The following TMC2 variants were observed in gnomAD, a reference collection of about 807,000 sequenced individuals.
TMC2 encodes transmembrane channel-like protein 2.
A neutral mutation model predicts 105.9 loss-of-function variants in TMC2; 102 were observed. The observed-to-expected ratio is 0.96, with a 90% confidence interval of 0.82 to 1.14. The LOEUF (loss-of-function observed/expected upper bound fraction) is 1.14, where lower values mean the gene tolerates loss of function less well. Among genes scored for constraint, TMC2 ranks in the 50% most tolerant of loss-of-function variants. The pLI, the probability that TMC2 is intolerant of heterozygous loss-of-function variation, is 0.00. For synonymous variants in TMC2, 402 were observed against 422.8 expected (o/e 0.95, Z 0.60); for missense variants, 1,093 against 1,134.3 (o/e 0.96, Z 0.52).
At chr20:2,544,442 T>C (rs1261189812) in intron 2 of TMC2, among the ~76,000 whole-genome samples, 1 of 152,206 alleles carries the variant, frequency 6.6e-6, no homozygotes, top group Non-Finnish European at 1.5e-5. Flanking sequence ...CTAGAGTCCA[T>C]GTAACCAAAT....
At chr20:2,576,096 G>A (rs934266910) in intron 5 of TMC2, among the ~76,000 whole-genome samples, 1 of 151,950 alleles carries the variant, frequency 6.6e-6, no homozygotes, top group Non-Finnish European at 1.5e-5. Flanking sequence ...AGGCCTCACT[G>A]GTTGTTTTCA....
chr20:2,565,776 A>G (rs1047007573), intron 4 of TMC2, among the ~76,000 whole-genome samples: 3 of 152,124 alleles, frequency 2.0e-5, no homozygotes, highest in African/African-American at 4.8e-5. Context: ...GTGGTGGCTC[A>G]CACCTATAAT....
intron 5 of TMC2, among the ~76,000 whole-genome samples, chr20:2,576,615 T>C (rs16987177): frequency 0.12 from 17,635 of 152,242 alleles, 1,226 homozygotes; most frequent in African/African-American, 0.18. Context: ...ATAAAGCTTA[T>C]GAGACTGCTA....
In TMC2 at chr20:2,594,963, C is replaced by T. The variant is rs143970919; in HGVS notation, c.1072C>T (p.Arg358Ter). 6 of 1,613,190 alleles carry T rather than the reference C, an allele frequency of 3.7e-6. No homozygotes were observed. The highest frequency in any genetic ancestry group is 5.1e-6 in the Non-Finnish European group (6 of 1,179,604). ...CGGCTACAGCCTGATTATTGTCATT[C>T]GATCGTAAGTATGACCGTCTCATCC... ...VFGYSLIIVI[R>*]SMASNTQGST... The change falls in exon 9 of 20, where the codon CGA becomes TGA. Residue 358 changes from arginine (R) to a stop codon, truncating the protein, a stop_gained. Coordinates refer to ENST00000358864, the MANE Select transcript of TMC2 (RefSeq NM_080751.3). LOFTEE classifies it high-confidence loss of function.
chr20:2,537,408 C>A (rs1600090554), intron 2 of TMC2, 92 bp downstream of exon 2: 1 of 1,033,572 alleles, frequency 9.7e-7, no homozygotes, highest in Admixed American at 2.1e-5. Context: ...CAACATTCTC[C>A]TTCATCTCCT....
chr20:2,600,857 G>GCAC (rs1429400309), intron 10 of TMC2, among the ~76,000 whole-genome samples: 1 of 151,320 alleles, frequency 6.6e-6, no homozygotes, highest in Non-Finnish European at 1.5e-5. Flanking sequence ...TGTGGTGGTG[G>GCAC]GCACCTGTAA....
At chr20:2,591,780 C>T (rs940602928) in intron 7 of TMC2, among the ~76,000 whole-genome samples, 2 of 151,956 alleles carry the variant, frequency 1.3e-5, no homozygotes, top group Admixed American at 6.6e-5. Flanking sequence ...AGAAAAGAAA[C>T]GCTCTTCTGT....
chr20:2,614,747 C>T (rs1323183425), intron 14 of TMC2, among the ~76,000 whole-genome samples: 1 of 151,744 alleles, frequency 6.6e-6, no homozygotes, highest in Non-Finnish European at 1.5e-5. Flanking sequence ...TCTACATGGG[C>T]CTTTAGTTTA....
In TMC2 at chr20:2,561,556, G is replaced by A. The variant is rs541583902; in HGVS notation, c.402-302G>A. Among the ~76,000 whole-genome samples, 26 of 152,194 alleles carry A rather than the reference G, an allele frequency of 1.7e-4. No individual in the cohort carries two copies. In the South Asian group the frequency reaches 4.6e-3, roughly 27 times the overall value. ...ATCCATTGCTTTTTACCACTTCAACGTGGCTACTAGAAAAATTTGCATTAC... is the reference window on the plus strand; with the variant it reads ...ATCCATTGCTTTTTACCACTTCAACATGGCTACTAGAAAAATTTGCATTAC... On this transcript the variant is annotated intron_variant, in intron 3 of 19. Transcript: ENST00000358864.
Position 2,616,949 on chromosome 20 carries a change from G to C in TMC2, c.1941-123G>C. 1.1e-5 allele frequency: 12 copies of C among 1,120,650 alleles called. No homozygotes were observed. The highest frequency in any genetic ancestry group is 1.5e-5 in the Non-Finnish European group (12 of 779,096). 69.4% of individuals were successfully genotyped at this position (1,120,650 alleles called of 1,614,324 possible). A position where few individuals can be genotyped will look rare whatever the true frequency, so the allele number is the denominator to read the frequency against. ...GTTAAATGGGAGGCCCCTTACCTGG[G>C]GACTTGCCAGGAAAGCAGCTCGGCC... On this transcript the variant is annotated intron_variant, in intron 15 of 19. Transcript: ENST00000358864. This position sits in a 1 kb window ranked among gnomAD's most constrained non-coding sequence, Gnocchi z 4.8.
chr20:2,596,350 G>A (rs2086306451), intron 9 of TMC2, among the ~76,000 whole-genome samples: 1 of 152,296 alleles, frequency 6.6e-6, no homozygotes, highest in African/African-American at 2.4e-5. Flanking sequence ...AGTAGTACCG[G>A]GCCGGGCGTG....
At chr20:2,621,643 T>C (rs569357117) in intron 16 of TMC2, among the ~76,000 whole-genome samples, 8 of 152,286 alleles carry the variant, frequency 5.3e-5, no homozygotes, top group African/African-American at 1.7e-4. Flanking sequence ...CACTCCAGAC[T>C]GGGCAACGAG....
At chr20:2,571,575 T>C (rs1292580767) in intron 4 of TMC2, among the ~76,000 whole-genome samples, 1 of 152,236 alleles carries the variant, frequency 6.6e-6, no homozygotes, top group Non-Finnish European at 1.5e-5. Flanking sequence ...GGTGGGAATG[T>C]AAATTAGTTC....
intron 4 of TMC2, among the ~76,000 whole-genome samples, chr20:2,570,581 C>A (rs1476628974): frequency 1.3e-5 from 2 of 152,040 alleles, no homozygotes; most frequent in African/African-American, 4.8e-5. Flanking sequence ...CTACTGAAAG[C>A]AATCTACAGA....
intron 17 of TMC2, among the ~76,000 whole-genome samples, chr20:2,629,750 T>C (rs2086590159): frequency 6.6e-6 from 1 of 152,242 alleles, no homozygotes; most frequent in Non-Finnish European, 1.5e-5. Flanking sequence ...GCCTGTATAA[T>C]GGCTATCTAA....
intron 2 of TMC2, among the ~76,000 whole-genome samples, chr20:2,544,136 G>A (rs867532130): frequency 5.4e-5 from 8 of 147,996 alleles, no homozygotes; most frequent in South Asian, 2.1e-4. Flanking sequence ...GGCTGGTCTC[G>A]AACTCCTGAC....
At chr20:2,557,903 A>C (rs1568504213) in intron 2 of TMC2, among the ~76,000 whole-genome samples, 1 of 152,226 alleles carries the variant, frequency 6.6e-6, no homozygotes, top group Non-Finnish European at 1.5e-5. Flanking sequence ...TTCTTTCCTT[A>C]GCCATTGCAA....
At chr20:2,603,044 T>G (rs1015733350) in intron 11 of TMC2, among the ~76,000 whole-genome samples, 1 of 152,218 alleles carries the variant, frequency 6.6e-6, no homozygotes, top group African/African-American at 2.4e-5. Flanking sequence ...TTACTGCTTT[T>G]GGGAACCCTG....
intron 7 of TMC2, among the ~76,000 whole-genome samples, chr20:2,582,458 C>G (rs1232573833): frequency 1.3e-5 from 2 of 152,044 alleles, no homozygotes; most frequent in African/African-American, 4.8e-5. Context: ...TCAAACATGA[C>G]TTTTTAAAAA....
Sources: allele counts gnomAD v4.1 joint callset (sites outside exome capture counted in the v4.1 genomes callset), GRCh38; gene constraint gnomAD v4.1.1; non-coding constraint Gnocchi (gnomAD v3.1); transcripts MANE v1.5; gene names NCBI Gene and HGNC (gene_info 2026-07-23, HGNC 2026-07-21).